ZNF407: variants seen among roughly 807,000 people sequenced by gnomAD.
The protein encoded by ZNF407 is zinc finger protein 407.
Under a neutral mutation model 131.2 loss-of-function variants are expected in ZNF407, and 17 were observed. The ratio of observed to expected loss-of-function variants is 0.13; its 90% CI spans 0.09 to 0.19. ZNF407 has a LOEUF of 0.19. Among genes scored for constraint, ZNF407 ranks in the 10% least tolerant of loss-of-function variants. The probability of loss-of-function intolerance (pLI) is 1.00; values close to 1 mark genes in which losing one functional copy is unlikely to be tolerated. For missense variants in ZNF407, 2,681 were observed against 2,830.6 expected, an observed-to-expected ratio of 0.95 and a Z score of 1.20; for synonymous variants, 1,156 against 1,062.0, an observed-to-expected ratio of 1.09 and a Z score of -1.72.
At position 74,632,671 on chromosome 18, in the gene ZNF407, A is replaced by G. The variant is rs1167462424; in HGVS notation, c.1652A>G (p.His551Arg). 1 of 1,613,966 alleles carries G rather than the reference A, an allele frequency of 6.2e-7. No homozygotes were observed. Among genetic ancestry groups the G allele is most frequent in the Non-Finnish European group, 8.5e-7 (1 of 1,179,910 alleles). ...TTGGAAATCCATGTGAAAAGGTGCC[A>G]TGCCAGAGAGATGAAATTTTACTGC... ...TDLEIHVKRCHAREMKFYCRT... is the reference protein window; with the variant it reads ...TDLEIHVKRCRAREMKFYCRT... Residue 551 changes from histidine to arginine, a missense_variant, in exon 2 of 9, where the codon CAT becomes CGT. Physicochemically the swap from His to Arg is conservative, Grantham distance 29 (BLOSUM62 0). Around this residue, in one of 6 missense-constraint regions of ZNF407, gnomAD observed 1,789 missense variants for 1,748.7 expected, o/e 1.02. Transcript: ENST00000299687.
chr18:74,669,187 T>G (rs769292913), intron 3 of ZNF407, among the ~76,000 whole-genome samples: 37 of 152,198 alleles, frequency 2.4e-4, no homozygotes, highest in Admixed American at 8.5e-4. Context: ...TCACATCCTT[T>G]GCTGTCACGC....
chr18:74,944,113 C>A (rs943864087), intron 8 of ZNF407, among the ~76,000 whole-genome samples: 2 of 152,110 alleles, frequency 1.3e-5, no homozygotes, highest in African/African-American at 4.8e-5. Context: ...GTGTTTAGTT[C>A]TTTTGATTAA....
At chr18:74,791,805 C>T (rs562825608) in intron 4 of ZNF407, among the ~76,000 whole-genome samples, 4 of 152,244 alleles carry the variant, frequency 2.6e-5, no homozygotes, top group African/African-American at 9.6e-5. Flanking sequence ...TTCTTGAGGG[C>T]TGGTCTCAGC....
chr18:74,919,510 A>C (rs1024983840), intron 7 of ZNF407, among the ~76,000 whole-genome samples: 1 of 152,140 alleles, frequency 6.6e-6, no homozygotes, highest in Non-Finnish European at 1.5e-5. Context: ...GTTATTCCAC[A>C]ATACCTTTGG....
chr18:74,671,005 G>A (rs565725701), intron 3 of ZNF407, among the ~76,000 whole-genome samples: 4 of 152,250 alleles, frequency 2.6e-5, no homozygotes, highest in South Asian at 4.1e-4. Context: ...CACTAAGTAC[G>A]TTCCCATTAT....
chr18:75,063,030 G>A lies in ZNF407; in HGVS notation c.5429-120G>A, dbSNP rs1973656457. ...CTTGCACTGTAGAGAGCTCTTCAGG[G>A]TTTGGAATAGGGGGTCGTGGTGACT... On this transcript the variant is annotated intron_variant, in intron 8 of 8. Coordinates refer to ENST00000299687, the MANE Select transcript of ZNF407 (RefSeq NM_017757.3). This position sits in a 1 kb window ranked among gnomAD's most constrained non-coding sequence, Gnocchi z 6.6. 2.1e-6 allele frequency: 2 copies of A among 936,576 alleles called. No homozygotes were observed. Among genetic ancestry groups the A allele is most frequent in the South Asian group, 1.7e-5 (1 of 58,044 alleles). 58.0% of individuals were successfully genotyped at this position (936,576 alleles called of 1,614,324 possible). A position where few individuals can be genotyped will look rare whatever the true frequency, so the allele number is the denominator to read the frequency against.
chr18:74,813,064 A>T (rs1489722244), intron 4 of ZNF407, among the ~76,000 whole-genome samples: 1 of 151,984 alleles, frequency 6.6e-6, no homozygotes, highest in African/African-American at 2.4e-5. Flanking sequence ...TGTTGGTTAC[A>T]CCTTGCCTGT....
intron 3 of ZNF407, among the ~76,000 whole-genome samples, chr18:74,720,540 G>A (rs1968005540): frequency 6.6e-6 from 1 of 151,834 alleles, no homozygotes; most frequent in Non-Finnish European, 1.5e-5. Flanking sequence ...TTTGTTGCCT[G>A]TGCTTTTCAG....
At chr18:74,966,312 C>A (rs994659085) in intron 8 of ZNF407, among the ~76,000 whole-genome samples, 2 of 152,128 alleles carry the variant, frequency 1.3e-5, no homozygotes, top group Non-Finnish European at 2.9e-5. Flanking sequence ...AGATTTAAGT[C>A]TTTAATCCAT....
rs117177374 is a variant in ZNF407 at position 74,711,223 on chromosome 18, A to T, written c.4802+70101A>T. 6.9e-3 allele frequency among the ~76,000 whole-genome samples: 1,042 copies of T among 152,024 alleles called. 5 individuals carry two copies. Among genetic ancestry groups the T allele is most frequent in the Non-Finnish European group, 0.011 (769 of 67,978 alleles). On this transcript the variant is annotated intron_variant, in intron 3 of 8. Coordinates refer to ENST00000299687, the MANE Select transcript of ZNF407 (RefSeq NM_017757.3). ...GTTATTTGGGTTGGCAGAATAAAGC[A>T]CCCTCCCCTCACACTCCCCAAAGAG...
At chr18:74,885,754 C>A (rs900595824) in intron 6 of ZNF407, among the ~76,000 whole-genome samples, 1 of 152,046 alleles carries the variant, frequency 6.6e-6, no homozygotes, top group Non-Finnish European at 1.5e-5. Flanking sequence ...GAGCAGTTGG[C>A]TATCTATGTG....
Position 74,634,182 on chromosome 18 carries a change from G to C in ZNF407, c.3163G>C (p.Ala1055Pro), listed in dbSNP as rs753831305. 1 of 1,613,988 alleles carries C rather than the reference G, an allele frequency of 6.2e-7. No individual in the cohort carries two copies. Among genetic ancestry groups the C allele is most frequent in the Non-Finnish European group, 8.5e-7 (1 of 1,179,888 alleles). ...EFYCMACDYY[A>P]VTRREMTRHA... ...TTATTGCATGGCATGCGATTACTAC[G>C]CGGTGACTCGTCGCGAGATGACCAG... The change falls in exon 2 of 9, where the codon GCG (alanine) becomes CCG (proline). Residue 1055 changes from alanine to proline, a missense_variant. Physicochemically the swap from Ala to Pro is conservative, Grantham distance 27 (BLOSUM62 -1). Around this residue, in one of 6 missense-constraint regions of ZNF407, gnomAD observed 1,789 missense variants for 1,748.7 expected, o/e 1.02. Transcript: ENST00000299687.
chr18:74,807,523 C>T (rs1002872635), intron 4 of ZNF407, among the ~76,000 whole-genome samples: 3 of 152,152 alleles, frequency 2.0e-5, no homozygotes, highest in African/African-American at 7.2e-5. Flanking sequence ...TCTGTATCCC[C>T]TGCCCCAGTT....
intron 3 of ZNF407, among the ~76,000 whole-genome samples, chr18:74,664,580 G>A (rs1465078080): frequency 2.0e-5 from 3 of 152,152 alleles, no homozygotes; most frequent in African/African-American, 7.2e-5. Context: ...CTTTAAAAAA[G>A]TGACTTTAAA....
At chr18:74,637,337 C>T (rs1474194722) in intron 2 of ZNF407, among the ~76,000 whole-genome samples, 1 of 152,144 alleles carries the variant, frequency 6.6e-6, no homozygotes, top group African/African-American at 2.4e-5. Flanking sequence ...AGGTTAAGTG[C>T]AGAATGTAGT....
intron 7 of ZNF407, among the ~76,000 whole-genome samples, chr18:74,901,030 G>T (rs755589182): frequency 7.2e-5 from 11 of 152,130 alleles, no homozygotes; most frequent in Admixed American, 4.6e-4. Context: ...TGTGAACAGG[G>T]AAGGCAAACA....
At chr18:74,932,345 G>A (rs1039693264) in intron 8 of ZNF407, among the ~76,000 whole-genome samples, 4 of 152,064 alleles carry the variant, frequency 2.6e-5, no homozygotes, top group African/African-American at 9.7e-5. Context: ...TAAGTTAGCA[G>A]CATTTCTCTG....
At chr18:74,670,579 G>T (rs1430705448) in intron 3 of ZNF407, among the ~76,000 whole-genome samples, 1 of 152,188 alleles carries the variant, frequency 6.6e-6, no homozygotes, top group East Asian at 1.9e-4. Flanking sequence ...TAATTATTGA[G>T]TCCTGTTATG....
At chr18:74,974,872 C>T (rs997233080) in intron 8 of ZNF407, among the ~76,000 whole-genome samples, 1 of 152,202 alleles carries the variant, frequency 6.6e-6, no homozygotes, top group African/African-American at 2.4e-5. Flanking sequence ...GATTCTTCCG[C>T]TCATCTCCTT....
Sources: gnomAD v4.1 joint callset for allele counts (sites outside exome capture counted in the v4.1 genomes callset) on GRCh38, gnomAD v4.1.1 for gene constraint, gnomAD v4.1.1 regional missense constraint, Gnocchi (gnomAD v3.1) non-coding constraint, MANE v1.5 for transcripts, NCBI Gene and HGNC (gene_info 2026-07-23, HGNC 2026-07-21) for gene names.